Variants in SCML2 observed in about 807,000 individuals in gnomAD.
SCML2 encodes the protein sex comb on midleg-like protein 2.
In SCML2, 6 loss-of-function variants were observed where a neutral mutation model predicts 48.4. The observed-to-expected ratio is 0.12, with a 90% confidence interval of 0.07 to 0.24. The LOEUF is 0.24. Ranked by LOEUF, SCML2 falls within the 10% of genes least tolerant of loss-of-function variation. SCML2 has a pLI of 1.00. For missense variants in SCML2, 377 were observed against 528.2 expected (o/e 0.71, Z 2.81); for synonymous variants, 181 against 189.5 (o/e 0.95, Z 0.37).
chrX:18,280,276 G>A (rs1927783590), intron 7 of SCML2, among the ~76,000 whole-genome samples: 1 of 111,511 alleles, frequency 9.0e-6, no homozygotes, highest in African/African-American at 3.3e-5. Flanking sequence ...CTTCATACAT[G>A]AGGGAGAAAT....
chrX:18,334,122 C>T (rs1929737506), intron 1 of SCML2, 27 bp from the exon 2 acceptor site: 1 of 1,019,055 alleles, frequency 9.8e-7, no homozygotes, highest in African/African-American at 1.9e-5. Flanking sequence ...CAATTAATGC[C>T]TCCTTTTAGC....
At chrX:18,337,277 G>A (rs1397099576) in intron 1 of SCML2, among the ~76,000 whole-genome samples, 1 of 86,935 alleles carries the variant, frequency 1.2e-5, no homozygotes, top group Non-Finnish European at 2.1e-5. Context: ...CTGCACTCCG[G>A]CCTGGGCGAC....
chrX:18,296,865 T>C (rs1453345436), intron 7 of SCML2, among the ~76,000 whole-genome samples: 2 of 110,736 alleles, frequency 1.8e-5, no homozygotes, highest in African/African-American at 6.6e-5. Flanking sequence ...TTTCAAAAAA[T>C]TGAAGAGGTG....
intron 1 of SCML2, among the ~76,000 whole-genome samples, chrX:18,344,067 C>T (rs1266384692): frequency 1.8e-5 from 2 of 110,011 alleles, no homozygotes; most frequent in Non-Finnish European, 3.8e-5. Context: ...GGTGCAGTGG[C>T]TCATGCCCGT....
Position 18,285,549 on chromosome X carries a change from C to CG in SCML2, c.730+19422dup, listed in dbSNP as rs201043951. Among the ~76,000 whole-genome samples the CG allele has an allele frequency of 3.9e-3, 429 of 109,625 alleles. 4 individuals are homozygous for CG. The highest frequency in any genetic ancestry group is 0.013 in the African/African-American group (406 of 30,121). On this transcript the variant is annotated intron_variant, in intron 7 of 14. Transcript: ENST00000251900. ...TGTGAACAATAGATATTGCAGACTA[C>CG]GGGGGGGTGAGGAGGAGGAGAGGTT...
intron 9 of SCML2, among the ~76,000 whole-genome samples, chrX:18,259,677 T>A (rs1926989114): frequency 8.9e-6 from 1 of 112,146 alleles, no homozygotes; most frequent in African/African-American, 3.2e-5. Flanking sequence ...TGAGATATGT[T>A]ACAACAATCA....
Position 18,354,647 on chromosome X carries a change from G to A in SCML2, c.-80C>T, listed in dbSNP as rs1312338733. ...TCTGTCCCACCGATCGCGCGAGCCG[G>A]CACCGAGCTTCACACCGCCGCCGCC... is the stretch of plus-strand genomic sequence containing the variant. On this transcript the variant is annotated 5_prime_UTR_variant, in exon 1 of 15. Transcript: ENST00000251900. 5.6e-5 allele frequency: 16 copies of A among 287,000 alleles called. No individual in the cohort carries two copies. Among genetic ancestry groups the A allele is most frequent in the Non-Finnish European group, 9.1e-5 (15 of 164,165 alleles). 23.7% of individuals were successfully genotyped at this position (287,000 alleles called of 1,213,427 possible).
At chrX:18,283,473 A>G (rs1277502246) in intron 7 of SCML2, among the ~76,000 whole-genome samples, 3 of 112,291 alleles carry the variant, frequency 2.7e-5, no homozygotes, top group African/African-American at 9.7e-5. Flanking sequence ...AAAAGCATCC[A>G]AACAGGAAAA....
chrX:18,274,348 C>A (rs1476877546), intron 7 of SCML2, among the ~76,000 whole-genome samples: 1 of 111,875 alleles, frequency 8.9e-6, no homozygotes, highest in South Asian at 3.7e-4. Context: ...GTGGAGTTTG[C>A]CCCTGCCGGC....
At chrX:18,290,618 T>C (rs1928202209) in intron 7 of SCML2, among the ~76,000 whole-genome samples, 1 of 111,625 alleles carries the variant, frequency 9.0e-6, no homozygotes, top group Non-Finnish European at 1.9e-5. Flanking sequence ...AAGCAATTAA[T>C]ACTGGGGGCA....
At chrX:18,242,672 G>T in intron 13 of SCML2, 82 bp from the exon 14 acceptor site, 1 of 1,008,715 alleles carries the variant, frequency 9.9e-7, no homozygotes, top group Non-Finnish European at 1.3e-6. Flanking sequence ...GGGAATAATG[G>T]TCTCATTCCT....
intron 7 of SCML2, among the ~76,000 whole-genome samples, chrX:18,293,070 G>A (rs974431975): frequency 1.8e-5 from 2 of 111,523 alleles, no homozygotes; most frequent in African/African-American, 6.5e-5. Context: ...TGCGATAGTT[G>A]TATCCAAAAG....
intron 1 of SCML2, among the ~76,000 whole-genome samples, chrX:18,344,449 GAGA>G (rs1930136036): frequency 8.9e-6 from 1 of 111,848 alleles, no homozygotes; most frequent in African/African-American, 3.2e-5. Context: ...CTTTGAAAGG[GAGA>G]AATAAGGAGT....
chrX:18,325,735 T>C (rs1929458283), intron 3 of SCML2, among the ~76,000 whole-genome samples: 1 of 112,011 alleles, frequency 8.9e-6, no homozygotes, highest in Non-Finnish European at 1.9e-5. Flanking sequence ...GTCAAGACAC[T>C]GAGAAAAAGA....
chrX:18,301,416 A>G (rs767125625), intron 7 of SCML2, among the ~76,000 whole-genome samples: 4 of 110,859 alleles, frequency 3.6e-5, no homozygotes, highest in African/African-American at 1.3e-4. Context: ...AAAAAATCAA[A>G]AAAGAAAAAA....
At chrX:18,302,764 C>G (rs1408565481) in intron 7 of SCML2, among the ~76,000 whole-genome samples, 1 of 111,893 alleles carries the variant, frequency 8.9e-6, no homozygotes, top group Non-Finnish European at 1.9e-5. Flanking sequence ...CATGATGACT[C>G]TCAAACCTGC....
At position 18,246,822 on chromosome X, in the gene SCML2, G is replaced by T; in HGVS notation, c.1577C>A (p.Pro526Gln). The change falls in exon 13 of 15, where the codon CCA becomes CAA. Residue 526 changes from proline (P) to glutamine (Q), a missense_variant. This residue lies in a region of SCML2 where 299 missense variants were observed against 425.5 expected (regional missense o/e 0.70). Transcript: ENST00000251900. ...AATGGCACTTCCCCCAGCAAACAAT[G>T]GTTCTCCTACAGGGAAAAAGACAAA... ...KTKEYASEGEPLFAGGSAIPK... is the reference protein window; with the variant it reads ...KTKEYASEGEQLFAGGSAIPK... The T allele has an allele frequency of 8.3e-7, 1 of 1,197,707 alleles. No homozygotes were observed.
chrX:18,275,228 G>T (rs1418417319), intron 7 of SCML2, among the ~76,000 whole-genome samples: 1 of 112,275 alleles, frequency 8.9e-6, no homozygotes, highest in Non-Finnish European at 1.9e-5. Flanking sequence ...CTCATATTCG[G>T]CTCAGAATAA....
intron 2 of SCML2, among the ~76,000 whole-genome samples, chrX:18,333,500 G>C (rs980285449): frequency 9.0e-6 from 1 of 111,314 alleles, no homozygotes; most frequent in Admixed American, 9.5e-5. Context: ...AACTGTAAAG[G>C]CATGCTTAGC....
Sources: allele counts gnomAD v4.1 joint callset (sites outside exome capture counted in the v4.1 genomes callset), GRCh38; gene constraint gnomAD v4.1.1; regional missense constraint gnomAD v4.1.1; transcripts MANE v1.5; gene names NCBI Gene and HGNC (gene_info 2026-07-23, HGNC 2026-07-21).